EGF: variants seen among roughly 807,000 people sequenced by gnomAD.
The protein encoded by EGF is epidermal growth factor, also known as pro-epidermal growth factor.
Under a neutral mutation model 143.8 loss-of-function variants are expected in EGF, and 95 were observed. The observed-to-expected ratio is 0.66, with a 90% CI of 0.56 to 0.78. EGF has a LOEUF of 0.78. Ranked by LOEUF, EGF falls within the 30% of genes least tolerant of loss-of-function variation. EGF has a pLI of 0.00. For missense variants in EGF, 1,320 were observed against 1,470.9 expected (o/e 0.90, Z 1.68); for synonymous variants, 510 against 510.5 (o/e 1.00, Z 0.01).
chr4:110,009,393 G>A (rs1000012351), intron 23 of EGF, among the ~76,000 whole-genome samples: 5 of 152,102 alleles, frequency 3.3e-5, no homozygotes, highest in African/African-American at 1.2e-4. Context: ...TTTTCCTTGA[G>A]CAGCTAAAAG....
At chr4:109,996,263 A>G (rs1299493330) in intron 20 of EGF, among the ~76,000 whole-genome samples, 1 of 152,216 alleles carries the variant, frequency 6.6e-6, no homozygotes, top group Non-Finnish European at 1.5e-5. Flanking sequence ...TAAATGATTG[A>G]TGAACTCTTT....
chr4:109,994,782 A>G lies in EGF; in HGVS notation c.2907A>G (p.Val969=), dbSNP rs746705443. Reference sequence around the variant, plus strand: ...GGGAAGATGACCACCACTATTCCGTAAGAAATAGTGACTCTGAATGTCCCC... The same window carrying G: ...GGGAAGATGACCACCACTATTCCGTGAGAAATAGTGACTCTGAATGTCCCC... ...HLREDDHHYS[V]RNSDSECPLS... The change falls in exon 20 of 24, where the codon GTA becomes GTG. Residue 969 remains valine (V), a synonymous_variant. Coordinates refer to ENST00000265171, the MANE Select transcript of EGF (RefSeq NM_001963.6). The G allele has an allele frequency of 1.2e-6, 2 of 1,614,176 alleles. No individual in the cohort carries two copies. The highest frequency in any genetic ancestry group is 1.3e-5 in the African/African-American group (1 of 75,060).
chr4:109,998,477 CGTT>C (rs1752125423), intron 20 of EGF, among the ~76,000 whole-genome samples: 1 of 152,184 alleles, frequency 6.6e-6, no homozygotes, highest in African/African-American at 2.4e-5. Flanking sequence ...AGCTGTGTGA[CGTT>C]GTACAAACTC....
intron 1 of EGF, among the ~76,000 whole-genome samples, chr4:109,915,275 T>C (rs904292942): frequency 2.6e-5 from 4 of 152,104 alleles, no homozygotes; most frequent in Non-Finnish European, 4.4e-5. Context: ...TACTTTAGAG[T>C]ATCTCTGGGA....
rs11568847 is a variant in EGF, at chr4:109,912,994, C to G, written c.-342C>G. 5.3e-5 allele frequency: 16 copies of G among 303,394 alleles called. No homozygotes were observed. The East Asian group carries it at 1.2e-3, about 23-fold the overall frequency. The allele number at this position is 303,394 out of a possible 1,614,324, so 18.8% of individuals were successfully genotyped here. On this transcript the variant is annotated 5_prime_UTR_variant, in exon 1 of 24. Transcript: ENST00000265171. ...TCAGTTCTTCCTTTCTTTTTCCTCT[C>G]TAAGCCTTTGCCTTGCTCTGTCACA...
At chr4:109,932,519 C>T (rs192898183) in intron 1 of EGF, among the ~76,000 whole-genome samples, 2,261 of 150,732 alleles carry the variant, frequency 0.015, 39 homozygotes, top group Middle Eastern at 0.027. Flanking sequence ...TCTGGGACTA[C>T]AGGCGCTCGC....
intron 7 of EGF, among the ~76,000 whole-genome samples, chr4:109,961,399 G>C (rs1745673915): frequency 6.6e-6 from 1 of 151,964 alleles, no homozygotes; most frequent in African/African-American, 2.4e-5. Context: ...CTCTACCCCA[G>C]ACCTATCAAA....
In EGF at chr4:109,958,190, G is replaced by A. The variant is rs78097130; in HGVS notation, c.941-1122G>A. On this transcript the variant is annotated intron_variant, in intron 5 of 23. Transcript: ENST00000265171. ...AATTACTTATAATACCTAATACAAT[G>A]CCTACATCACTTCATTCCTGTGAAT... is the stretch of plus-strand genomic sequence containing the variant. Among the ~76,000 whole-genome samples, 232 of 152,262 alleles carry A rather than the reference G, an allele frequency of 1.5e-3. 4 individuals are homozygous for A. The East Asian group carries it at 0.042, about 28-fold the overall frequency.
chr4:109,992,660 C>T (rs994835795), intron 18 of EGF, among the ~76,000 whole-genome samples: 1 of 152,002 alleles, frequency 6.6e-6, no homozygotes, highest in Non-Finnish European at 1.5e-5. Flanking sequence ...ATGTTTATTG[C>T]AGCACTATTC....
chr4:109,956,883 T>A (rs888733824), intron 5 of EGF, among the ~76,000 whole-genome samples: 1 of 152,214 alleles, frequency 6.6e-6, no homozygotes, highest in East Asian at 1.9e-4. Context: ...AAAGTAATTA[T>A]TTGTAACTAA....
chr4:110,005,974 T>C (rs1753225569), intron 22 of EGF, among the ~76,000 whole-genome samples: 1 of 152,194 alleles, frequency 6.6e-6, no homozygotes, highest in Non-Finnish European at 1.5e-5. Flanking sequence ...GTGATCATCT[T>C]TTCCTACCTG....
intron 4 of EGF, among the ~76,000 whole-genome samples, 168 bp downstream of exon 4, chr4:109,944,237 A>C (rs929717683): frequency 6.6e-6 from 1 of 152,242 alleles, no homozygotes; most frequent in African/African-American, 2.4e-5. Context: ...CAGGAGATCG[A>C]GACCATCCTG....
intron 1 of EGF, among the ~76,000 whole-genome samples, chr4:109,931,700 G>T (rs1677991216): frequency 6.6e-6 from 1 of 152,208 alleles, no homozygotes; most frequent in African/African-American, 2.4e-5. Context: ...AGCCCTGCTG[G>T]ATTAACTGGA....
At chr4:109,938,456 GA>G (rs1377372130) in intron 1 of EGF, among the ~76,000 whole-genome samples, 1 of 152,148 alleles carries the variant, frequency 6.6e-6, no homozygotes, top group African/African-American at 2.4e-5. Context: ...CGATGGGTTA[GA>G]ACATGCTCCT....
chr4:109,943,896 T>TGGTGTGGG lies in EGF; in HGVS notation c.565_572dup (p.Lys193TrpfsTer3). The stretch of plus-strand genomic sequence containing the variant: ...GAAGCCTTTATAGAGCAGATCTCGA[T>TGGTGTGGG]GGTGTGGGAGTGAAGGCTCTGTTGG... On this transcript the variant is annotated frameshift_variant, in exon 4 of 24. Coordinates refer to ENST00000265171, the MANE Select transcript of EGF (RefSeq NM_001963.6). LOFTEE classifies it high-confidence loss of function. 1 of 1,614,186 alleles carries TGGTGTGGG rather than the reference T, an allele frequency of 6.2e-7. No homozygotes were observed. Among genetic ancestry groups the TGGTGTGGG allele is most frequent in the Non-Finnish European group, 8.5e-7 (1 of 1,180,020 alleles).
At chr4:109,940,677 A>T (rs1466858793) in intron 1 of EGF, 1 of 403,718 alleles carries the variant, frequency 2.5e-6, no homozygotes, top group Admixed American at 3.9e-5. Context: ...ATGGATAAAG[A>T]GTAAAAAGTG....
intron 8 of EGF, 70 bp downstream of exon 8, chr4:109,962,055 T>A: frequency 6.2e-7 from 1 of 1,602,028 alleles, no homozygotes; most frequent in East Asian, 2.3e-5. Context: ...CATCTAAAAA[T>A]TGATCTTGTT....
chr4:109,960,132 G>A (rs1745452896), intron 6 of EGF, among the ~76,000 whole-genome samples: 1 of 152,150 alleles, frequency 6.6e-6, no homozygotes, highest in Non-Finnish European at 1.5e-5. Flanking sequence ...TGAGCTGGAA[G>A]GCTGGGGCTT....
At chr4:109,994,626 T>G (rs1578377757) in intron 19 of EGF, 107 bp from the exon 20 acceptor site, 1 of 1,329,798 alleles carries the variant, frequency 7.5e-7, no homozygotes, top group Admixed American at 1.7e-5. Context: ...CTTCTGTCAC[T>G]AAAAGATTTA....
Sources: allele counts gnomAD v4.1 joint callset (sites outside exome capture counted in the v4.1 genomes callset), GRCh38; gene constraint gnomAD v4.1.1; transcripts MANE v1.5; gene names NCBI Gene and HGNC (gene_info 2026-07-23, HGNC 2026-07-21).